Variants in RPTN observed in about 807,000 individuals in gnomAD.
RPTN encodes the protein repetin, also known as intermediate filament-associated protein.
In RPTN, 4 loss-of-function variants were observed where a neutral mutation model predicts 3.6. The ratio of observed to expected loss-of-function variants is 1.12; its 90% CI spans 0.55 to 2.55. The LOEUF is 2.55. RPTN is among the 30% of genes most tolerant of loss of function. RPTN has a pLI of 0.02. For synonymous variants in RPTN, 293 were observed against 319.3 expected, an observed-to-expected ratio of 0.92 and a Z score of 0.88; for missense variants, 860 against 916.7, an observed-to-expected ratio of 0.94 and a Z score of 0.80.
At chr1:152,158,193 C>A (rs1307668346) in intron 1 of RPTN, among the ~76,000 whole-genome samples, 2 of 152,196 alleles carry the variant, frequency 1.3e-5, no homozygotes, top group Non-Finnish European at 2.9e-5. Context: ...CTACTCCAGA[C>A]AGGATTCACC....
rs759330993 is a variant in RPTN at position 152,155,401 on chromosome 1, G to A, written c.1698C>T (p.Gly566=). 37 of 1,613,740 alleles carry A rather than the reference G, an allele frequency of 2.3e-5. No individual in the cohort carries two copies. The highest frequency in any genetic ancestry group is 3.1e-5 in the Non-Finnish European group (37 of 1,179,948). The change falls in exon 3 of 3, where the codon GGC becomes GGT. Residue 566 remains glycine, a synonymous_variant. Coordinates refer to ENST00000316073, the MANE Select transcript of RPTN (RefSeq NM_001122965.1). ...CTGTCTGACCATAATGATAGCTCTG[G>A]CCTTGTCTGTCTGTCTGACCGTAGT... ...SSHYGQTDRQ[G]QSYHYGQTDR...
chr1:152,158,374 T>C (rs767843691), intron 1 of RPTN, among the ~76,000 whole-genome samples: 11 of 152,200 alleles, frequency 7.2e-5, no homozygotes, highest in Non-Finnish European at 1.5e-4. Context: ...GAGCCTTTCT[T>C]AAGCAAGGAA....
chr1:152,157,514 A>G (rs1659227816), intron 2 of RPTN, among the ~76,000 whole-genome samples: 1 of 150,860 alleles, frequency 6.6e-6, no homozygotes, highest in Non-Finnish European at 1.5e-5. Context: ...ATTCCCTGTT[A>G]CCTTGAAGTT....
chr1:152,155,620 TTGTC>T lies in RPTN; in HGVS notation c.1475_1478del (p.Arg492LysfsTer127). On this transcript the variant is annotated frameshift_variant, in exon 3 of 3. Coordinates refer to ENST00000316073, the MANE Select transcript of RPTN (RefSeq NM_001122965.1). LOFTEE classifies it low-confidence loss of function (END_TRUNC). ...GCTGACCATAATGATAACTCTGGTC[TTGTC>T]TGTCTATCTTACCATAGTGGGAACT... 6.3e-7 allele frequency: 1 copy of T among 1,597,036 alleles called. No homozygotes were observed. The highest frequency in any genetic ancestry group is 1.1e-5 in the South Asian group (1 of 89,892).
At chr1:152,158,494 A>G (rs1659247288) in intron 1 of RPTN, among the ~76,000 whole-genome samples, 1 of 152,190 alleles carries the variant, frequency 6.6e-6, no homozygotes, top group Non-Finnish European at 1.5e-5. Flanking sequence ...AATGAAATCA[A>G]TGAATATAAA....
At position 152,153,894 on chromosome 1, in the gene RPTN, G is replaced by A. The variant is rs1304058300; in HGVS notation, c.*850C>T. The stretch of plus-strand genomic sequence containing the variant: ...CATCAGAGATGCACTCTATGTTCTC[G>A]GCTCTTGTAGCAGCCTTGAACTGAG... On this transcript the variant is annotated 3_prime_UTR_variant, in exon 3 of 3. Coordinates refer to ENST00000316073, the MANE Select transcript of RPTN (RefSeq NM_001122965.1). 1.3e-5 allele frequency: 2 copies of A among 152,496 alleles called. No individual in the cohort carries two copies. Among genetic ancestry groups the A allele is most frequent in the African/African-American group, 4.8e-5 (2 of 41,412 alleles). 9.4% of individuals were successfully genotyped at this position (152,496 alleles called of 1,614,324 possible). A position where few individuals can be genotyped will look rare whatever the true frequency, so the allele number is the denominator to read the frequency against.
chr1:152,154,835 T>C lies in RPTN; in HGVS notation c.2264A>G (p.Gln755Arg). 6.2e-7 allele frequency: 1 copy of C among 1,613,920 alleles called. No homozygotes were observed. The highest frequency in any genetic ancestry group is 8.5e-7 in the Non-Finnish European group (1 of 1,179,834). The change falls in exon 3 of 3, where the codon CAG (glutamine) becomes CGG (arginine). Residue 755 changes from glutamine (Q) to arginine (R), a missense_variant. Gln to Arg is a conservative substitution (Grantham distance 43). Transcript: ENST00000316073. ...TTCATGGGTTTGCCTGTCTCGTCTC[T>C]GATGGCTCTGCTCATGTTCATGGGT... ...RQTHEHEQSHQRRDRQTHEDK... is the reference protein window; with the variant it reads ...RQTHEHEQSHRRRDRQTHEDK...
chr1:152,156,339 C>T lies in RPTN; in HGVS notation c.760G>A (p.Gly254Arg). 1 of 1,614,216 alleles carries T rather than the reference C, an allele frequency of 6.2e-7. No individual in the cohort carries two copies. The highest frequency in any genetic ancestry group is 1.3e-5 in the African/African-American group (1 of 75,052). Residue 254 changes from glycine to arginine, a missense_variant, in exon 3 of 3, where the codon GGA (glycine) becomes AGA (arginine). Gly to Arg is a moderately radical substitution (Grantham distance 125). Transcript: ENST00000316073. Reference protein sequence around the residue: ...ERHTQQSETLGQASHFNQTNQ... With the variant: ...ERHTQQSETLRQASHFNQTNQ... ...GTCTGGTTAAAGTGAGAGGCTTGTCCAAGTGTTTCAGATTGTTGTGTATGT... is the reference window on the plus strand; with the variant it reads ...GTCTGGTTAAAGTGAGAGGCTTGTCTAAGTGTTTCAGATTGTTGTGTATGT...
Position 152,154,948 on chromosome 1 carries a change from G to T in RPTN, c.2151C>A (p.His717Gln), listed in dbSNP as rs1553197359. The change falls in exon 3 of 3, where the codon CAC (histidine) becomes CAA (glutamine). Residue 717 changes from histidine (H) to glutamine (Q), a missense_variant. Coordinates refer to ENST00000316073, the MANE Select transcript of RPTN (RefSeq NM_001122965.1). ...ATGGACCTTCCTGACTCTCATGGCT[G>T]TGTCTATCCCAAGTTTGATGGCCCT... ...EEQGHQTWDR[H>Q]SHESQEGPCG... The T allele has an allele frequency of 1.2e-6, 2 of 1,614,110 alleles. No homozygotes were observed. The highest frequency in any genetic ancestry group is 1.7e-6 in the Non-Finnish European group (2 of 1,180,030).
chr1:152,156,018 G>A lies in RPTN; in HGVS notation c.1081C>T (p.Gln361Ter), dbSNP rs1400305626. The change falls in exon 3 of 3, where the codon CAA becomes TAA. Residue 361 changes from glutamine to a stop codon, truncating the protein, a stop_gained. Coordinates refer to ENST00000316073, the MANE Select transcript of RPTN (RefSeq NM_001122965.1). LOFTEE classifies it low-confidence loss of function (END_TRUNC). ...QCYHYDQTNR[Q>*]GQGSHYSQPN... ...TGACTGTAGTGGGAACCCTGGCCTT[G>A]TCTGTTTGTCTGATCATAATGATAA... 2 of 1,613,614 alleles carry A rather than the reference G, an allele frequency of 1.2e-6. No individual in the cohort carries two copies. The highest frequency in any genetic ancestry group is 2.2e-5 in the East Asian group (1 of 44,868).
chr1:152,158,512 A>T, intron 1 of RPTN, among the ~76,000 whole-genome samples: 1 of 152,354 alleles, frequency 6.6e-6, no homozygotes, highest in South Asian at 2.1e-4. Context: ...AAAAGCTGTT[A>T]CAGATAAAAA....
Position 152,156,859 on chromosome 1 carries a change from C to T in RPTN, c.240G>A (p.Gln80=). The change falls in exon 3 of 3, where the codon CAG becomes CAA. Residue 80 remains glutamine (Q), a synonymous_variant. Coordinates refer to ENST00000316073, the MANE Select transcript of RPTN (RefSeq NM_001122965.1). ...DFHEYLLLVF[Q]LVQACYHKLD... ...GCTTATGATAGCAGGCTTGGACCAA[C>T]TGGAACACCAACAAGAGGTACTCAT... The T allele has an allele frequency of 6.2e-7, 1 of 1,614,212 alleles. No homozygotes were observed. Among genetic ancestry groups the T allele is most frequent in the African/African-American group, 1.3e-5 (1 of 75,048 alleles).
rs1659157107 is a variant in RPTN, at chr1:152,154,800, T to C, written c.2299A>G (p.Asn767Asp). ...RDRQTHEDKQ[N>D]RQRRDRQTHE... ...GTTTGCCTGTCTCGTCTCTGACGGT[T>C]CTGCTTGTCTTCATGGGTTTGCCTG... The change falls in exon 3 of 3, where the codon AAC (asparagine) becomes GAC (aspartate). Residue 767 changes from asparagine (N) to aspartate (D), a missense_variant. Transcript: ENST00000316073. 1 of 1,613,836 alleles carries C rather than the reference T, an allele frequency of 6.2e-7. No homozygotes were observed. The highest frequency in any genetic ancestry group is 1.1e-5 in the South Asian group (1 of 91,028).
rs1659152285 is a variant in RPTN, at chr1:152,154,547, G to A, written c.*197C>T. ...CCCACTGCTCTGGGTTGGATAGAAG[G>A]ATGGTTCAGTGTGTCTTTTCTGTGA... On this transcript the variant is annotated 3_prime_UTR_variant, in exon 3 of 3. Coordinates refer to ENST00000316073, the MANE Select transcript of RPTN (RefSeq NM_001122965.1). The A allele has an allele frequency of 1.3e-6, 1 of 780,470 alleles. No homozygotes were observed. The highest frequency in any genetic ancestry group is 1.7e-5 in the African/African-American group (1 of 57,726). The allele number at this position is 780,470 out of a possible 1,614,324, so 48.3% of individuals were successfully genotyped here.
At position 152,154,604 on chromosome 1, in the gene RPTN, A is replaced by G. The variant is rs1476586720; in HGVS notation, c.*140T>C. Reference sequence around the variant, plus strand: ...GCTCTGGTCATCCTCTTTCATGTGGAATTTTTCTCTGTTAGGACAGCTTCT... The same window carrying G: ...GCTCTGGTCATCCTCTTTCATGTGGGATTTTTCTCTGTTAGGACAGCTTCT... On this transcript the variant is annotated 3_prime_UTR_variant, in exon 3 of 3. Transcript: ENST00000316073. 1.8e-5 allele frequency: 22 copies of G among 1,192,656 alleles called. No individual in the cohort carries two copies. The highest frequency in any genetic ancestry group is 2.6e-5 in the Non-Finnish European group (22 of 840,590). 73.9% of individuals were successfully genotyped at this position (1,192,656 alleles called of 1,614,324 possible).
In RPTN at chr1:152,154,403, T is replaced by G. The variant is rs550716237; in HGVS notation, c.*341A>C. ...TTTTTTGGCTTTGTGTTGCTTTACCTCTGGTGCTCACATAGCCTAGTATGG... is the reference window on the plus strand; with the variant it reads ...TTTTTTGGCTTTGTGTTGCTTTACCGCTGGTGCTCACATAGCCTAGTATGG... On this transcript the variant is annotated 3_prime_UTR_variant, in exon 3 of 3. Transcript: ENST00000316073. 3.5e-5 allele frequency: 12 copies of G among 338,900 alleles called. No homozygotes were observed. The East Asian group carries it at 6.0e-4, about 17-fold the overall frequency. The allele number at this position is 338,900 out of a possible 1,614,324, so 21.0% of individuals were successfully genotyped here. A position where few individuals can be genotyped will look rare whatever the true frequency, so the allele number is the denominator to read the frequency against.
At chr1:152,157,950 G>A in intron 1 of RPTN, 41 bp from the exon 2 acceptor site, 1 of 1,549,180 alleles carries the variant, frequency 6.5e-7, no homozygotes, top group South Asian at 1.1e-5. Flanking sequence ...TTAGGATAAT[G>A]ACCACGAGAC....
At position 152,156,134 on chromosome 1, in the gene RPTN, G is replaced by A. The variant is rs527782408; in HGVS notation, c.965C>T (p.Thr322Met). The A allele has an allele frequency of 1.0e-4, 169 of 1,612,782 alleles. 2 individuals carry two copies. In the South Asian group the frequency reaches 1.4e-3, roughly 13 times the overall value. The change falls in exon 3 of 3, where the codon ACG becomes ATG. Residue 322 changes from threonine to methionine, a missense_variant. Physicochemically the swap from Thr to Met is moderately conservative, Grantham distance 81 (BLOSUM62 -1). Coordinates refer to ENST00000316073, the MANE Select transcript of RPTN (RefSeq NM_001122965.1). ...RQGQSSHYSQ[T>M]DRQGQSSHYS... ...GTGGGAACTCTGGCCTTGTCTGTCC[G>A]TCTGACTGTAGTGGGAACTCTGGCC...
intron 1 of RPTN, among the ~76,000 whole-genome samples, chr1:152,158,419 G>C (rs917072782): frequency 3.3e-5 from 5 of 152,214 alleles, no homozygotes; most frequent in African/African-American, 4.8e-5. Flanking sequence ...GTCTAAGGAA[G>C]CTTTCTGGGA....
Sources: gnomAD v4.1 joint callset for allele counts (sites outside exome capture counted in the v4.1 genomes callset) on GRCh38, gnomAD v4.1.1 for gene constraint, MANE v1.5 for transcripts, NCBI Gene and HGNC (gene_info 2026-07-23, HGNC 2026-07-21) for gene names.